Variants in HIVEP3 observed in about 807,000 individuals in gnomAD.
The protein encoded by HIVEP3 is HIVEP zinc finger 3, also known as transcription factor HIVEP3.
Under a neutral mutation model 152.8 loss-of-function variants are expected in HIVEP3, and 49 were observed. That is an observed-to-expected ratio of 0.32 (90% CI 0.26 to 0.41). The LOEUF is 0.41. Among genes scored for constraint, HIVEP3 ranks in the 10% least tolerant of loss-of-function variants. The probability of loss-of-function intolerance (pLI) is 1.00; values close to 1 mark genes in which losing one functional copy is unlikely to be tolerated. For missense variants in HIVEP3, 2,790 were observed against 3,103.3 expected (o/e 0.90, Z 2.40); for synonymous variants, 1,269 against 1,289.0 (o/e 0.98, Z 0.33).
intron 1 of HIVEP3, among the ~76,000 whole-genome samples, chr1:42,034,800 T>C (rs1197079251): frequency 1.3e-5 from 2 of 152,194 alleles, no homozygotes; most frequent in Non-Finnish European, 2.9e-5. Context: ...TCAGCAACAC[T>C]TCTGATTCCT....
intron 1 of HIVEP3, among the ~76,000 whole-genome samples, chr1:41,973,901 G>A (rs575564546): frequency 2.4e-4 from 36 of 152,348 alleles, no homozygotes; most frequent in Admixed American, 2.0e-3. Flanking sequence ...CTGCAGAGAA[G>A]GTCATTGAAA....
At chr1:41,941,431 C>T (rs998243746) in intron 1 of HIVEP3, among the ~76,000 whole-genome samples, 1 of 152,080 alleles carries the variant, frequency 6.6e-6, no homozygotes, top group African/African-American at 2.4e-5. Context: ...ACACTTCTTC[C>T]ATCACACTAC....
intron 1 of HIVEP3, among the ~76,000 whole-genome samples, chr1:41,810,484 C>G (rs1353336486): frequency 6.6e-6 from 1 of 152,186 alleles, no homozygotes; most frequent in East Asian, 1.9e-4. Flanking sequence ...CCCCATCCAC[C>G]ATCTCCTAGT....
intron 3 of HIVEP3, among the ~76,000 whole-genome samples, chr1:41,586,061 A>C (rs1034852331): frequency 1.3e-5 from 2 of 152,180 alleles, no homozygotes; most frequent in African/African-American, 2.4e-5. Context: ...CATTTGCTTG[A>C]TCCAAGCAAT....
chr1:41,703,817 G>C (rs753757362), intron 1 of HIVEP3, among the ~76,000 whole-genome samples: 14 of 152,216 alleles, frequency 9.2e-5, no homozygotes, highest in Non-Finnish European at 1.8e-4. Flanking sequence ...CAAAAGAATA[G>C]CTGAAGCTCT....
chr1:41,979,600 C>A (rs561922047), intron 1 of HIVEP3, among the ~76,000 whole-genome samples: 1 of 152,174 alleles, frequency 6.6e-6, no homozygotes, highest in South Asian at 2.1e-4. Context: ...TTGCACCACA[C>A]AATAATCAGC....
chr1:41,670,983 T>C (rs1401957859), intron 2 of HIVEP3, among the ~76,000 whole-genome samples: 1 of 152,212 alleles, frequency 6.6e-6, no homozygotes, highest in Non-Finnish European at 1.5e-5. Context: ...GATGCCTGAA[T>C]GGAGGTGGGA....
chr1:41,540,452 G>T (rs1048953157), intron 5 of HIVEP3, among the ~76,000 whole-genome samples: 11 of 152,172 alleles, frequency 7.2e-5, no homozygotes, highest in Admixed American at 6.5e-4. Context: ...GATTAAACCT[G>T]AAGAACACTG....
Position 41,581,519 on chromosome 1 carries a change from G to A in HIVEP3, c.3279C>T (p.Thr1093=). Residue 1093 remains threonine, a synonymous_variant, in exon 4 of 9, where the codon ACC becomes ACT. Coordinates refer to ENST00000372583, the MANE Select transcript of HIVEP3 (RefSeq NM_024503.5). The surrounding 1 kb of genome is among the most constrained non-coding windows in gnomAD (Gnocchi z 4.5). ...TGCCTCCCGGGGGTCCACCATGTGA[G>A]GTGGCCGCAGAGGAAATCTGGGACA... ...SSLSQISSAA[T]SHGGPPGGKG... 1 of 1,587,242 alleles carries A rather than the reference G, an allele frequency of 6.3e-7. No individual in the cohort carries two copies. The highest frequency in any genetic ancestry group is 1.2e-5 in the South Asian group (1 of 85,512).
At chr1:41,637,655 C>T (rs541244797) in intron 2 of HIVEP3, among the ~76,000 whole-genome samples, 21 of 152,324 alleles carry the variant, frequency 1.4e-4, no homozygotes, top group East Asian at 5.8e-4. Context: ...GTAGCTGTGA[C>T]GGATGGAAAG....
At chr1:41,727,276 C>A (rs1356946085) in intron 1 of HIVEP3, among the ~76,000 whole-genome samples, 1 of 152,214 alleles carries the variant, frequency 6.6e-6, no homozygotes, top group African/African-American at 2.4e-5. Flanking sequence ...AAGCAGGGAA[C>A]CTGGGGCTGC....
intron 5 of HIVEP3, among the ~76,000 whole-genome samples, chr1:41,567,800 G>T (rs1644190139): frequency 6.6e-6 from 1 of 152,192 alleles, no homozygotes; most frequent in Admixed American, 6.5e-5. Context: ...AGAGTCCTTG[G>T]CTCCCAACCC....
chr1:41,578,247 G>A (rs999262542), intron 4 of HIVEP3, among the ~76,000 whole-genome samples: 5 of 152,194 alleles, frequency 3.3e-5, no homozygotes, highest in Admixed American at 3.3e-4. Flanking sequence ...ATTTAGCATA[G>A]TACTTGGTAC....
chr1:41,878,664 TTCCTCTCTCCCTCCCTTCCC>T (rs1392609553), intron 1 of HIVEP3, among the ~76,000 whole-genome samples: 1 of 151,618 alleles, frequency 6.6e-6, no homozygotes, highest in Non-Finnish European at 1.5e-5. Context: ...AATTCCTTCC[TTCCTCTCTCCCTCCCTTCCC>T]TCCTCCCTCC....
At chr1:41,771,650 G>A (rs189668163) in intron 1 of HIVEP3, among the ~76,000 whole-genome samples, 1 of 152,132 alleles carries the variant, frequency 6.6e-6, no homozygotes, top group Middle Eastern at 3.4e-3. Flanking sequence ...CAGTACTCTC[G>A]GGGCTTGGCA....
intron 1 of HIVEP3, among the ~76,000 whole-genome samples, chr1:41,765,172 G>C (rs1248537799): frequency 6.6e-6 from 1 of 152,146 alleles, no homozygotes; most frequent in African/African-American, 2.4e-5. Context: ...CTAGATTTCT[G>C]AGTGTACTTT....
At chr1:41,991,425 A>G (rs927141021) in intron 1 of HIVEP3, among the ~76,000 whole-genome samples, 5 of 151,640 alleles carry the variant, frequency 3.3e-5, no homozygotes, top group Non-Finnish European at 2.9e-5. Flanking sequence ...CTCGACACAT[A>G]CACTCTCCCA....
intron 1 of HIVEP3, among the ~76,000 whole-genome samples, chr1:42,024,505 T>C (rs987138331): frequency 6.6e-6 from 1 of 152,224 alleles, no homozygotes; most frequent in African/African-American, 2.4e-5. Context: ...AGTCATTATC[T>C]TTACTCTCCT....
intron 1 of HIVEP3, among the ~76,000 whole-genome samples, chr1:41,723,501 C>CACACA (rs57345431): frequency 0.065 from 9,547 of 146,516 alleles, 1,050 homozygotes; most frequent in African/African-American, 0.23. Context: ...CACACAGCCA[C>CACACA]CACACACACA....
Sources: allele counts gnomAD v4.1 joint callset (sites outside exome capture counted in the v4.1 genomes callset), GRCh38; gene constraint gnomAD v4.1.1; non-coding constraint Gnocchi (gnomAD v3.1); transcripts MANE v1.5; gene names NCBI Gene and HGNC (gene_info 2026-07-23, HGNC 2026-07-21).